The following CELSR1 variants were observed in gnomAD, a reference collection of about 807,000 sequenced individuals.
The protein encoded by CELSR1 is adhesion G protein-coupled receptor C1.
In CELSR1, 110 loss-of-function variants were observed where a neutral mutation model predicts 249.1. The ratio of observed to expected loss-of-function variants is 0.44; its 90% CI spans 0.38 to 0.52. The LOEUF (loss-of-function observed/expected upper bound fraction) is 0.52. Among genes scored for constraint, CELSR1 ranks in the 20% least tolerant of loss-of-function variants. CELSR1 has a pLI of 0.00. For missense variants in CELSR1, 4,109 were observed against 4,296.4 expected, an observed-to-expected ratio of 0.96 and a Z score of 1.22; for synonymous variants, 2,113 against 1,900.0, an observed-to-expected ratio of 1.11 and a Z score of -2.92.
chr22:46,503,983 T>C (rs747577384), intron 1 of CELSR1, among the ~76,000 whole-genome samples: 1 of 151,988 alleles, frequency 6.6e-6, no homozygotes, highest in Non-Finnish European at 1.5e-5. Flanking sequence ...CAGTGAGCTA[T>C]GACAGTACCA....
At chr22:46,403,816 T>C (rs542152284) in intron 9 of CELSR1, among the ~76,000 whole-genome samples, 183 of 150,632 alleles carry the variant, frequency 1.2e-3, no homozygotes, top group Middle Eastern at 3.5e-3. Flanking sequence ...CTACTAAAAA[T>C]ACAAACATTA....
intron 19 of CELSR1, among the ~76,000 whole-genome samples, chr22:46,385,629 A>G (rs1415708079): frequency 6.6e-6 from 1 of 151,690 alleles, no homozygotes; most frequent in Non-Finnish European, 1.5e-5. Context: ...TGTCTTCCCA[A>G]AGGCTCCATT....
At chr22:46,525,156 G>A (rs1207848312) in intron 1 of CELSR1, among the ~76,000 whole-genome samples, 1 of 152,218 alleles carries the variant, frequency 6.6e-6, no homozygotes, top group Admixed American at 6.5e-5. Context: ...GAATTAAAGA[G>A]GGTCGTTTAC....
Position 46,429,575 on chromosome 22 carries a change from A to G in CELSR1, c.4611+3818T>C, listed in dbSNP as rs566304306. On this transcript the variant is annotated intron_variant, in intron 5 of 34. Transcript: ENST00000674500. The surrounding 1 kb of genome is among the most constrained non-coding windows in gnomAD (Gnocchi z 4.1). Reference sequence around the variant, plus strand: ...TGCTGAAGGTGAATTAGACCAATAAACCTTCTCGTCTAAAATGTCATCAGG... The same window carrying G: ...TGCTGAAGGTGAATTAGACCAATAAGCCTTCTCGTCTAAAATGTCATCAGG... Among the ~76,000 whole-genome samples, 6 of 152,258 alleles carry G rather than the reference A, an allele frequency of 3.9e-5. 1 individual carries two copies. In the South Asian group the frequency reaches 1.2e-3, roughly 32 times the overall value.
intron 1 of CELSR1, among the ~76,000 whole-genome samples, chr22:46,483,125 G>A (rs5767216): frequency 0.86 from 131,237 of 152,218 alleles, 56,827 homozygotes; most frequent in East Asian, 1. Context: ...ATTTTAGCAA[G>A]GATCATTCAA....
At position 46,390,463 on chromosome 22, in the gene CELSR1, C is replaced by T. The variant is rs866394547; in HGVS notation, c.6274G>A (p.Gly2092Arg). The T allele has an allele frequency of 2.0e-5, 33 of 1,613,736 alleles. No homozygotes were observed. Among genetic ancestry groups the T allele is most frequent in the Non-Finnish European group, 2.5e-5 (29 of 1,179,932 alleles). The change falls in exon 17 of 35, where the codon GGG (glycine) becomes AGG (arginine). Residue 2092 changes from glycine (G) to arginine (R), a missense_variant. This residue lies in a region of CELSR1 where 1,805 missense variants were observed against 1,831.6 expected (regional missense o/e 0.99). Coordinates refer to ENST00000674500, the MANE Select transcript of CELSR1 (RefSeq NM_001378328.1). The surrounding 1 kb of genome is among the most constrained non-coding windows in gnomAD (Gnocchi z 6.3). The part of the protein sequence containing the change: ...SVGNAVRHCS[G>R]EKGWLPPELF... ...TCTGGGGGCAGCCAGCCCTTCTCCC[C>T]GCTGCAGTGTCGGACCGCATTTCCT...
rs971800051 is a variant in CELSR1, at chr22:46,375,539, C to CTT, written c.7584+1520_7584+1521dup. Reference sequence around the variant, plus strand: ...CCCGTCGTCCACCTGCTGCCAGGCTCTTTTTTTTTTTTTTTTTTTTTTGAG... The same window carrying CTT: ...CCCGTCGTCCACCTGCTGCCAGGCTCTTTTTTTTTTTTTTTTTTTTTTTTGAG... On this transcript the variant is annotated intron_variant, in intron 24 of 34. Coordinates refer to ENST00000674500, the MANE Select transcript of CELSR1 (RefSeq NM_001378328.1). Among the ~76,000 whole-genome samples the CTT allele has an allele frequency of 4.7e-3, 569 of 120,474 alleles. 1 individual carries two copies. The highest frequency in any genetic ancestry group is 6.1e-3 in the Non-Finnish European group (357 of 58,900). The allele number at this position is 120,474 out of a possible 152,430, so 79.0% of individuals were successfully genotyped here. A position where few individuals can be genotyped will look rare whatever the true frequency, so the allele number is the denominator to read the frequency against.
Position 46,393,551 on chromosome 22 carries a change from AAC to A in CELSR1, c.5964+589_5964+590del, listed in dbSNP as rs1202420904. On this transcript the variant is annotated intron_variant, in intron 14 of 34. Transcript: ENST00000674500. This position sits in a 1 kb window ranked among gnomAD's most constrained non-coding sequence, Gnocchi z 4.1. ...TCAGGAGTTCAAGACCAGCCTGGCC[AAC>A]ATGGTGAAATCCTGTCTCTACTAAA... 2.0e-5 allele frequency among the ~76,000 whole-genome samples: 3 copies of A among 152,180 alleles called. No individual in the cohort carries two copies. Among genetic ancestry groups the A allele is most frequent in the Non-Finnish European group, 4.4e-5 (3 of 68,026 alleles).
chr22:46,483,365 T>G (rs79389154), intron 1 of CELSR1, among the ~76,000 whole-genome samples: 4 of 148,056 alleles, frequency 2.7e-5, no homozygotes, highest in Admixed American at 2.0e-4. Flanking sequence ...ACCCTCTTTA[T>G]GGAAACATGC....
At chr22:46,501,813 T>C (rs115405889) in intron 1 of CELSR1, among the ~76,000 whole-genome samples, 2 of 152,056 alleles carry the variant, frequency 1.3e-5, no homozygotes, top group Non-Finnish European at 2.9e-5. Flanking sequence ...TCCCGAAGAG[T>C]TCCCCCGCTG....
intron 1 of CELSR1, among the ~76,000 whole-genome samples, chr22:46,510,612 G>C (rs980778493): frequency 1.6e-4 from 25 of 152,200 alleles, no homozygotes. Context: ...CCCCAGAAAA[G>C]TCAGAGCGCA....
Position 46,377,188 on chromosome 22 carries a change from G to A in CELSR1, c.7457C>T (p.Ala2486Val), listed in dbSNP as rs769778109. 1 of 1,613,922 alleles carries A rather than the reference G, an allele frequency of 6.2e-7. No homozygotes were observed. The highest frequency in any genetic ancestry group is 8.5e-7 in the Non-Finnish European group (1 of 1,180,034). The change falls in exon 24 of 35, where the codon GCC becomes GTC. Residue 2486 changes from alanine (A) to valine (V), a missense_variant. Physicochemically the swap from Ala to Val is moderately conservative, Grantham distance 64. Around this residue, in one of 7 missense-constraint regions of CELSR1, gnomAD observed 1,805 missense variants for 1,831.6 expected, o/e 0.99. Coordinates refer to ENST00000674500, the MANE Select transcript of CELSR1 (RefSeq NM_001378328.1). ...VSLSLAALLV[A>V]FVLLSLVRML... ...GCGGACCAGGCTCAGGAGGACGAAG[G>A]CCACCAGCAGGGCTGCCAGTGACAA...
rs1356086234 is a variant in CELSR1 at position 46,408,451 on chromosome 22, C to T, written c.5226+545G>A. The stretch of plus-strand genomic sequence containing the variant: ...GATTCAAGTGATTCCCCTGCCTCAG[C>T]CTCCCAGGTAGCTGGGGTTACAGGC... On this transcript the variant is annotated intron_variant, in intron 9 of 34. Transcript: ENST00000674500. This position sits in a 1 kb window ranked among gnomAD's most constrained non-coding sequence, Gnocchi z 4.6. Among the ~76,000 whole-genome samples the T allele has an allele frequency of 1.3e-5, 2 of 152,234 alleles. No homozygotes were observed. Among genetic ancestry groups the T allele is most frequent in the African/African-American group, 2.4e-5 (1 of 41,462 alleles).
chr22:46,457,034 G>A (rs1173089360), intron 2 of CELSR1, among the ~76,000 whole-genome samples: 1 of 152,150 alleles, frequency 6.6e-6, no homozygotes, highest in Non-Finnish European at 1.5e-5. Flanking sequence ...ACCAAGCTAA[G>A]GCCCCAGCTA....
intron 1 of CELSR1, among the ~76,000 whole-genome samples, chr22:46,514,784 T>G (rs2080609881): frequency 6.6e-6 from 1 of 151,940 alleles, no homozygotes; most frequent in Non-Finnish European, 1.5e-5. Flanking sequence ...CCTCGCTGAG[T>G]CATTCCCAAG....
At chr22:46,388,881 T>A (rs919342905) in intron 18 of CELSR1, among the ~76,000 whole-genome samples, 1 of 152,198 alleles carries the variant, frequency 6.6e-6, no homozygotes, top group African/African-American at 2.4e-5. Context: ...GCCCTGCCCC[T>A]TACAAGCTGT....
At chr22:46,421,333 C>T (rs996864540) in intron 5 of CELSR1, among the ~76,000 whole-genome samples, 3 of 152,286 alleles carry the variant, frequency 2.0e-5, no homozygotes, top group Admixed American at 1.3e-4. Context: ...GAGACAGAGG[C>T]TGCTGGAGGA....
chr22:46,490,696 A>G lies in CELSR1; in HGVS notation c.3545-26351T>C, dbSNP rs1178295114. Among the ~76,000 whole-genome samples, 1 of 152,026 alleles carries G rather than the reference A, an allele frequency of 6.6e-6. No homozygotes were observed. ...TCAGGAAAGTGGTGGGTGTGCGGGGACACTTTAAAATACCAGAAAAATCTA... is the reference window on the plus strand; with the variant it reads ...TCAGGAAAGTGGTGGGTGTGCGGGGGCACTTTAAAATACCAGAAAAATCTA... On this transcript the variant is annotated intron_variant, in intron 1 of 34. Transcript: ENST00000674500. The surrounding 1 kb of genome is among the most constrained non-coding windows in gnomAD (Gnocchi z 5.2).
At chr22:46,415,218 C>T (rs771223770) in intron 5 of CELSR1, among the ~76,000 whole-genome samples, 9 of 152,092 alleles carry the variant, frequency 5.9e-5, no homozygotes, top group Non-Finnish European at 8.8e-5. Flanking sequence ...GGCATGATCT[C>T]GGCTCACTGC....
Sources: gnomAD v4.1 joint callset for allele counts (sites outside exome capture counted in the v4.1 genomes callset) on GRCh38, gnomAD v4.1.1 for gene constraint, gnomAD v4.1.1 regional missense constraint, Gnocchi (gnomAD v3.1) non-coding constraint, MANE v1.5 for transcripts, NCBI Gene and HGNC (gene_info 2026-07-23, HGNC 2026-07-21) for gene names.